Variants in CLVS1 observed in about 807,000 individuals in gnomAD.
CLVS1 encodes clavesin-1.
CLVS1 carries 10 observed loss-of-function variants against 33.1 expected under a neutral mutation model. That is an observed-to-expected ratio of 0.30 (90% confidence interval 0.19 to 0.51). CLVS1 has a LOEUF of 0.51. CLVS1 is among the 20% of genes least tolerant of loss of function. The pLI is 0.97. For synonymous variants in CLVS1, 163 were observed against 166.1 expected (o/e 0.98, Z 0.14); for missense variants, 343 against 433.4 (o/e 0.79, Z 1.85).
chr8:61,467,149 A>T (rs1817575831), intron 5 of CLVS1, among the ~76,000 whole-genome samples: 1 of 152,114 alleles, frequency 6.6e-6, no homozygotes, highest in Non-Finnish European at 1.5e-5. Flanking sequence ...TGTGATTTTG[A>T]TTGAGGGTAA....
Position 61,299,771 on chromosome 8 carries a change from C to A in CLVS1, c.-57C>A, listed in dbSNP as rs1810361437. The A allele has an allele frequency of 7.6e-7, 1 of 1,311,578 alleles. No individual in the cohort carries two copies. The highest frequency in any genetic ancestry group is 1.1e-6 in the Non-Finnish European group (1 of 935,246). The allele number at this position is 1,311,578 out of a possible 1,614,324, so 81.2% of individuals were successfully genotyped here. ...GACCCTCTATTTGTCTGTTCCGGGG[C>A]AGCCTGGTAGTAAAACACTGTTGAA... On this transcript the variant is annotated 5_prime_UTR_variant, in exon 2 of 6. Coordinates refer to ENST00000325897, the MANE Select transcript of CLVS1 (RefSeq NM_173519.3).
chr8:61,346,631 T>C (rs1424470664), intron 2 of CLVS1, among the ~76,000 whole-genome samples: 1 of 152,198 alleles, frequency 6.6e-6, no homozygotes, highest in Non-Finnish European at 1.5e-5. Context: ...TGATGCCTCC[T>C]TGTAAACTAG....
chr8:61,453,494 G>T (rs1023336427), intron 3 of CLVS1, among the ~76,000 whole-genome samples: 3 of 152,234 alleles, frequency 2.0e-5, no homozygotes, highest in Admixed American at 6.5e-5. Flanking sequence ...AGCGGAATCA[G>T]CTAGCCCATT....
intron 2 of CLVS1, among the ~76,000 whole-genome samples, chr8:61,200,039 C>T (rs9650205): frequency 0.35 from 53,442 of 152,044 alleles, 11,786 homozygotes; most frequent in Middle Eastern, 0.57. Flanking sequence ...TATAAACACT[C>T]GGGAGTTAAT....
chr8:61,270,676 T>C (rs1474231003), intron 2 of CLVS1, among the ~76,000 whole-genome samples: 2 of 152,192 alleles, frequency 1.3e-5, no homozygotes, highest in African/African-American at 2.4e-5. Context: ...CTATGGATTA[T>C]TGCCATAATT....
At chr8:61,257,158 G>A (rs181747254) in intron 2 of CLVS1, among the ~76,000 whole-genome samples, 12 of 152,278 alleles carry the variant, frequency 7.9e-5, no homozygotes, top group African/African-American at 2.9e-4. Flanking sequence ...AGATTGTGGG[G>A]ATAATGCTAA....
chr8:61,320,639 G>A (rs1039062461), intron 2 of CLVS1, among the ~76,000 whole-genome samples: 2 of 152,176 alleles, frequency 1.3e-5, no homozygotes, highest in South Asian at 2.1e-4. Context: ...AGTGTCTGGC[G>A]AGGGCCTGTC....
intron 3 of CLVS1, among the ~76,000 whole-genome samples, chr8:61,380,880 C>T (rs996406757): frequency 9.2e-5 from 14 of 152,226 alleles, no homozygotes; most frequent in African/African-American, 3.1e-4. Flanking sequence ...CAATGTTCAG[C>T]CAACCCAGAT....
intron 2 of CLVS1, among the ~76,000 whole-genome samples, chr8:61,329,158 A>G (rs1418664378): frequency 6.6e-6 from 1 of 152,110 alleles, no homozygotes; most frequent in Non-Finnish European, 1.5e-5. Flanking sequence ...AAAGTCAAAT[A>G]ATAAAAACCT....
chr8:61,468,744 G>A (rs1312386663), intron 5 of CLVS1, among the ~76,000 whole-genome samples: 3 of 105,944 alleles, frequency 2.8e-5, no homozygotes, highest in South Asian at 5.4e-4. Flanking sequence ...AAAAAAGGTA[G>A]TTACTATGTG....
At chr8:61,299,653 C>T in intron 1 of CLVS1, 24 bp from the exon 2 acceptor site, 1 of 580,392 alleles carries the variant, frequency 1.7e-6, no homozygotes. Context: ...TCTTCTGTTT[C>T]TTTTGTGTGT....
the CLVS1 span, among the ~76,000 whole-genome samples, chr8:61,031,375 G>A: frequency 2.6e-5 from 4 of 152,222 alleles, no homozygotes; most frequent in Non-Finnish European, 4.4e-5. Context: ...CATCTTCCCC[G>A]GCAGCGAACC....
chr8:61,188,448 C>A (rs2931314), intron 2 of CLVS1, among the ~76,000 whole-genome samples: 79,522 of 151,372 alleles, frequency 0.53, 21,545 homozygotes, highest in Middle Eastern at 0.68. Context: ...AGACAACAGA[C>A]AGATAGAGAA....
At chr8:61,122,104 T>TC (rs1344979765) in intron 1 of CLVS1, among the ~76,000 whole-genome samples, 1 of 152,216 alleles carries the variant, frequency 6.6e-6, no homozygotes, top group Non-Finnish European at 1.5e-5. Context: ...GCCACTTTCT[T>TC]CAGCAATATC....
intron 2 of CLVS1, among the ~76,000 whole-genome samples, chr8:61,240,999 A>G (rs1405886862): frequency 6.7e-6 from 1 of 149,424 alleles, no homozygotes; most frequent in African/African-American, 2.5e-5. Context: ...TATTTCTCAC[A>G]GTTCTGGAGG....
intron 2 of CLVS1, among the ~76,000 whole-genome samples, chr8:61,222,968 T>C (rs1808250844): frequency 6.7e-6 from 1 of 148,694 alleles, no homozygotes; most frequent in Admixed American, 6.7e-5. Flanking sequence ...TTAAAGTCTG[T>C]TTTGTCAGAG....
chr8:61,106,478 A>T (rs1297916365), intron 1 of CLVS1, among the ~76,000 whole-genome samples: 1 of 152,240 alleles, frequency 6.6e-6, no homozygotes, highest in Non-Finnish European at 1.5e-5. Context: ...AGGCTTTCAT[A>T]CACAAGCTGG....
At chr8:61,262,486 C>A (rs1471192917) in intron 2 of CLVS1, among the ~76,000 whole-genome samples, 1 of 152,020 alleles carries the variant, frequency 6.6e-6, no homozygotes, top group African/African-American at 2.4e-5. Flanking sequence ...GCCTGGGCAA[C>A]ATAGTGAGAC....
At chr8:61,356,424 T>C (rs1220335935) in intron 2 of CLVS1, among the ~76,000 whole-genome samples, 1 of 151,924 alleles carries the variant, frequency 6.6e-6, no homozygotes, top group Non-Finnish European at 1.5e-5. Flanking sequence ...TTTAATTAGA[T>C]CCCATTTGTC....
Sources: gnomAD v4.1 joint callset for allele counts (sites outside exome capture counted in the v4.1 genomes callset) on GRCh38, gnomAD v4.1.1 for gene constraint, MANE v1.5 for transcripts, NCBI Gene and HGNC (gene_info 2026-07-23, HGNC 2026-07-21) for gene names.